The following FAR2 variants were observed in gnomAD, a reference collection of about 807,000 sequenced individuals.
FAR2 encodes fatty acyl-CoA reductase 2.
In FAR2, 19 loss-of-function variants were observed where a neutral mutation model predicts 56.0. The observed-to-expected ratio is 0.34, with a 90% CI of 0.24 to 0.50. FAR2 has a LOEUF of 0.50. FAR2 is among the 20% of genes least tolerant of loss of function. The probability of loss-of-function intolerance (pLI) is 0.98; values close to 1 mark genes in which losing one functional copy is unlikely to be tolerated. For synonymous variants in FAR2, 219 were observed against 218.8 expected (o/e 1.00, Z -0.01); for missense variants, 508 against 642.2 (o/e 0.79, Z 2.26).
At chr12:29,229,171 T>A (rs979781519) in intron 1 of FAR2, among the ~76,000 whole-genome samples, 1 of 152,208 alleles carries the variant, frequency 6.6e-6, no homozygotes, top group African/African-American at 2.4e-5. Context: ...TGAGTTATGG[T>A]CTCCTTTTAA....
chr12:29,291,533 T>C, intron 2 of FAR2: 2 of 444,508 alleles, frequency 4.5e-6, no homozygotes, highest in South Asian at 3.2e-5. Flanking sequence ...TTCTCATCAT[T>C]TGCATGCCTT....
chr12:29,293,507 T>C, intron 3 of FAR2, 32 bp downstream of exon 3: 1 of 1,367,018 alleles, frequency 7.3e-7, no homozygotes, highest in Non-Finnish European at 9.5e-7. Flanking sequence ...ATGGCTTGTA[T>C]ACATATGTGT....
intron 1 of FAR2, among the ~76,000 whole-genome samples, chr12:29,189,747 A>G (rs1950084182): frequency 6.6e-6 from 1 of 152,234 alleles, no homozygotes; most frequent in Admixed American, 6.5e-5. Context: ...TCACATTTTT[A>G]AAAGATCGCT....
At chr12:29,330,182 A>G (rs1949711684) in intron 10 of FAR2, among the ~76,000 whole-genome samples, 1 of 149,988 alleles carries the variant, frequency 6.7e-6, no homozygotes, top group Admixed American at 6.7e-5. Context: ...TCAACCTCCC[A>G]AGTAGCTGCG....
At chr12:29,259,328 A>G (rs1036650214) in intron 1 of FAR2, among the ~76,000 whole-genome samples, 4 of 152,186 alleles carry the variant, frequency 2.6e-5, no homozygotes, top group Non-Finnish European at 4.4e-5. Flanking sequence ...ACAGAGAATG[A>G]TCTGGCCCAA....
intron 1 of FAR2, among the ~76,000 whole-genome samples, chr12:29,210,236 ATTAG>A (rs1310696528): frequency 1.3e-5 from 2 of 152,208 alleles, no homozygotes; most frequent in Non-Finnish European, 2.9e-5. Context: ...TTATTAGTTA[ATTAG>A]TTAAATTAAT....
At chr12:29,284,990 C>T (rs1272114299) in intron 2 of FAR2, among the ~76,000 whole-genome samples, 8 of 152,096 alleles carry the variant, frequency 5.3e-5, no homozygotes, top group African/African-American at 7.2e-5. Flanking sequence ...TACAGGCGCC[C>T]GCCACCACGC....
intron 10 of FAR2, among the ~76,000 whole-genome samples, chr12:29,324,385 G>A (rs1276090453): frequency 1.3e-5 from 2 of 152,106 alleles, no homozygotes. Context: ...TCAAATTCAG[G>A]AAATACAGAG....
chr12:29,162,145 T>C (rs1230631315), intron 1 of FAR2, among the ~76,000 whole-genome samples: 1 of 152,218 alleles, frequency 6.6e-6, no homozygotes, highest in Non-Finnish European at 1.5e-5. Context: ...TTATTAGTGG[T>C]GTTCTTCATA....
chr12:29,209,730 A>G (rs1947521493), intron 1 of FAR2, among the ~76,000 whole-genome samples: 1 of 141,684 alleles, frequency 7.1e-6, no homozygotes, highest in South Asian at 2.2e-4. Context: ...CTGTGTGTGT[A>G]AAAGAAAGAA....
At chr12:29,183,378 C>T (rs1035712993) in intron 1 of FAR2, among the ~76,000 whole-genome samples, 1 of 152,170 alleles carries the variant, frequency 6.6e-6, no homozygotes, top group Non-Finnish European at 1.5e-5. Context: ...AATCTCCAAT[C>T]CAAACAACTC....
At position 29,254,705 on chromosome 12, in the gene FAR2, A is replaced by T. The variant is rs142077344; in HGVS notation, c.-38-15707A>T. On this transcript the variant is annotated intron_variant, in intron 1 of 11. Transcript: ENST00000536681. ...GGTAGCTCATGCCTGTAATCCCAGCACTTTGGGAGGCCGAGGCAGGCAGAT... is the reference window on the plus strand; with the variant it reads ...GGTAGCTCATGCCTGTAATCCCAGCTCTTTGGGAGGCCGAGGCAGGCAGAT... Among the ~76,000 whole-genome samples, 267 of 152,318 alleles carry T rather than the reference A, an allele frequency of 1.8e-3. 2 individuals are homozygous for T. The highest frequency in any genetic ancestry group is 0.01 in the Middle Eastern group (3 of 294).
At chr12:29,182,611 G>A (rs1950002213) in intron 1 of FAR2, among the ~76,000 whole-genome samples, 2 of 152,180 alleles carry the variant, frequency 1.3e-5, no homozygotes, top group Non-Finnish European at 2.9e-5. Flanking sequence ...AGTCCAGCTG[G>A]CTTCACCTCT....
At chr12:29,212,261 A>G (rs1246120112) in intron 1 of FAR2, among the ~76,000 whole-genome samples, 1 of 152,076 alleles carries the variant, frequency 6.6e-6, no homozygotes, top group Non-Finnish European at 1.5e-5. Context: ...TAAAATGAAT[A>G]TGTTCTTTTA....
In FAR2 at chr12:29,333,768, A is replaced by C. The variant is rs748323509; in HGVS notation, c.1522A>C (p.Arg508=). The C allele has an allele frequency of 3.1e-6, 5 of 1,613,722 alleles. No individual in the cohort carries two copies. Among genetic ancestry groups the C allele is most frequent in the Non-Finnish European group, 4.2e-6 (5 of 1,179,712 alleles). The change falls in exon 12 of 12, where the codon AGA becomes CGA. Residue 508 remains arginine (R), a synonymous_variant. Coordinates refer to ENST00000536681, the MANE Select transcript of FAR2 (RefSeq NM_001271783.2). The part of the protein sequence containing the change: ...SFCYKFLSYF[R]ASSTLKV ...CTGTTATAAATTCCTCTCCTACTTT[A>C]GAGCATCCAGCACGCTCAAAGTTTA...
Position 29,323,822 on chromosome 12 carries a change from C to T in FAR2, c.1257+1898C>T, listed in dbSNP as rs567414219. On this transcript the variant is annotated intron_variant, in intron 10 of 11. Transcript: ENST00000536681. The stretch of plus-strand genomic sequence containing the variant: ...AAAAACAGAGTAGAAAAACCGGAAA[C>T]GCTAAAAATCAGAGTGCCTCTCTTC... Among the ~76,000 whole-genome samples the T allele has an allele frequency of 5.9e-5, 9 of 152,210 alleles. No homozygotes were observed. The South Asian group carries it at 6.2e-4, about 11-fold the overall frequency.
At chr12:29,317,968 G>A (rs1487106385) in intron 9 of FAR2, 1 of 152,642 alleles carries the variant, frequency 6.6e-6, no homozygotes, top group Non-Finnish European at 1.5e-5. Flanking sequence ...ACAGTGTGCT[G>A]ATGCTAAGGC....
chr12:29,190,364 T>C (rs1363389710), intron 1 of FAR2, among the ~76,000 whole-genome samples: 1 of 151,450 alleles, frequency 6.6e-6, no homozygotes, highest in Non-Finnish European at 1.5e-5. Context: ...GACAAGACAC[T>C]TCAGCATTTA....
At chr12:29,156,550 A>G (rs980644655) in intron 1 of FAR2, 3 of 152,226 alleles carry the variant, frequency 2.0e-5, no homozygotes, top group Non-Finnish European at 4.4e-5. Flanking sequence ...AATTAAATCT[A>G]ATATAACTTA....
Sources: gnomAD v4.1 joint callset for allele counts (sites outside exome capture counted in the v4.1 genomes callset) on GRCh38, gnomAD v4.1.1 for gene constraint, MANE v1.5 for transcripts, NCBI Gene and HGNC (gene_info 2026-07-23, HGNC 2026-07-21) for gene names.